Variants in KDM3A observed in about 807,000 individuals in gnomAD.
The protein encoded by KDM3A is lysine-specific demethylase 3A.
Under a neutral mutation model 158.0 loss-of-function variants are expected in KDM3A, and 60 were observed. That is an observed-to-expected ratio of 0.38 (90% confidence interval 0.31 to 0.47). KDM3A has a LOEUF of 0.47. KDM3A is among the 20% of genes least tolerant of loss of function. The probability of loss-of-function intolerance (pLI) is 0.99; values close to 1 mark genes in which losing one functional copy is unlikely to be tolerated. For synonymous variants in KDM3A, 608 were observed against 549.3 expected (o/e 1.11, Z -1.49); for missense variants, 1,319 against 1,574.3 (o/e 0.84, Z 2.74).
intron 23 of KDM3A, chr2:86,490,595 T>C (rs1470326546): frequency 8.2e-6 from 2 of 243,608 alleles, no homozygotes; most frequent in Non-Finnish European, 1.6e-5. Context: ...AGCCTACTTA[T>C]GTTTAAAAAT....
upstream of KDM3A, among the ~76,000 whole-genome samples, chr2:86,437,977 T>C (rs1307559749): frequency 1.3e-5 from 2 of 152,166 alleles, no homozygotes; most frequent in African/African-American, 4.8e-5. Context: ...ATTTTTCTTG[T>C]CTTATTACAT....
At chr2:86,490,830 A>T in intron 23 of KDM3A, 51 bp from the exon 24 acceptor site, 1 of 1,449,144 alleles carries the variant, frequency 6.9e-7, no homozygotes. Context: ...AAAATGGCTT[A>T]TTGGGCCTTA....
At position 86,455,176 on chromosome 2, in the gene KDM3A, A is replaced by G. The variant is rs1160047557; in HGVS notation, c.545A>G (p.His182Arg). ...ATTGTGAAGCATTTAGATGAAAGCC[A>G]TCTTTTAAAAGGTATATGCATTATC... ...ALIVKHLDES[H>R]LLKGDKNLVG... Residue 182 changes from histidine to arginine, a missense_variant, in exon 5 of 26, where the codon CAT (histidine) becomes CGT (arginine). His to Arg is a conservative substitution (Grantham distance 29, BLOSUM62 0). This residue lies in a region of KDM3A where 652 missense variants were observed against 627.2 expected (regional missense o/e 1.04). Coordinates refer to ENST00000312912, the MANE Select transcript of KDM3A (RefSeq NM_018433.6). 1.3e-6 allele frequency: 2 copies of G among 1,582,292 alleles called. No homozygotes were observed. Among genetic ancestry groups the G allele is most frequent in the East Asian group, 2.2e-5 (1 of 44,514 alleles).
At chr2:86,473,997 ACTAT>A (rs1673534950) in intron 11 of KDM3A, among the ~76,000 whole-genome samples, 1 of 152,182 alleles carries the variant, frequency 6.6e-6, no homozygotes, top group Non-Finnish European at 1.5e-5. Flanking sequence ...TGCTTCAGTG[ACTAT>A]CTAGGGGTTA....
At chr2:86,449,483 C>G (rs909657635) in intron 2 of KDM3A, among the ~76,000 whole-genome samples, 1 of 152,136 alleles carries the variant, frequency 6.6e-6, no homozygotes, top group African/African-American at 2.4e-5. Context: ...TCCAAAAGCT[C>G]AGATGTCTAA....
intron 10 of KDM3A, among the ~76,000 whole-genome samples, chr2:86,469,376 C>A (rs1477256633): frequency 6.6e-6 from 1 of 152,170 alleles, no homozygotes; most frequent in Non-Finnish European, 1.5e-5. Flanking sequence ...CTCTCTGGGA[C>A]CCTAAGAAAA....
intron 20 of KDM3A, among the ~76,000 whole-genome samples, chr2:86,485,421 G>A (rs1674131977): frequency 6.6e-6 from 1 of 152,122 alleles, no homozygotes; most frequent in African/African-American, 2.4e-5. Context: ...GACTGAGCTT[G>A]AAACTTTGAA....
intron 2 of KDM3A, among the ~76,000 whole-genome samples, chr2:86,443,866 C>T (rs1020861011): frequency 6.6e-6 from 1 of 152,164 alleles, no homozygotes; most frequent in African/African-American, 2.4e-5. Context: ...TTTCTGTAAG[C>T]TGGGCTTTGT....
At chr2:86,452,157 T>C (rs931012278) in intron 4 of KDM3A, among the ~76,000 whole-genome samples, 1 of 151,626 alleles carries the variant, frequency 6.6e-6, no homozygotes, top group Non-Finnish European at 1.5e-5. Context: ...TGTAAACAGG[T>C]GTGCTTTTTG....
intron 4 of KDM3A, 50 bp downstream of exon 4, chr2:86,451,263 T>G: frequency 8.3e-7 from 1 of 1,205,850 alleles, no homozygotes. Context: ...TACGAACTCC[T>G]TTAACATGAG....
intron 3 of KDM3A, among the ~76,000 whole-genome samples, 167 bp downstream of exon 3, chr2:86,450,129 T>C (rs1366040805): frequency 6.6e-6 from 1 of 152,246 alleles, no homozygotes; most frequent in Non-Finnish European, 1.5e-5. Context: ...TTGACTTTGT[T>C]GGACCTCGTG....
chr2:86,440,336 G>A (rs963135430), upstream of KDM3A, among the ~76,000 whole-genome samples: 1 of 152,176 alleles, frequency 6.6e-6, no homozygotes, highest in Non-Finnish European at 1.5e-5. Context: ...GGAGGCATGA[G>A]TTCTTCTTAA....
chr2:86,484,717 G>T, intron 19 of KDM3A: 1 of 466,956 alleles, frequency 2.1e-6, no homozygotes, highest in Non-Finnish European at 3.8e-6. Flanking sequence ...GCTGCCTCCT[G>T]GGTACAAATG....
At chr2:86,459,473 G>A (rs1672838291) in intron 8 of KDM3A, among the ~76,000 whole-genome samples, 1 of 152,106 alleles carries the variant, frequency 6.6e-6, no homozygotes, top group Non-Finnish European at 1.5e-5. Flanking sequence ...TTGGGAGTAT[G>A]ATGAAGAGGA....
intron 10 of KDM3A, among the ~76,000 whole-genome samples, chr2:86,468,662 C>T (rs1463695025): frequency 6.6e-6 from 1 of 152,058 alleles, no homozygotes; most frequent in African/African-American, 2.4e-5. Context: ...GCTGTGTCCA[C>T]TAGTACTGCA....
intron 11 of KDM3A, among the ~76,000 whole-genome samples, chr2:86,474,352 T>C (rs116612194): frequency 1.3e-5 from 2 of 152,180 alleles, no homozygotes; most frequent in Non-Finnish European, 2.9e-5. Flanking sequence ...GGAAGGACTT[T>C]GTTGATTTAA....
rs767113988 is a variant in KDM3A, at chr2:86,466,467, T to G, written c.1103T>G (p.Leu368Trp). Residue 368 changes from leucine to tryptophan, a missense_variant, in exon 10 of 26, where the codon TTG becomes TGG. By Grantham distance (61) the Leu-to-Trp change is moderately conservative. Transcript: ENST00000312912. ...RTKPDVCKAG[L>W]LSKSSQIGTG... ...AAACCAGATGTCTGCAAAGCAGGGT[T>G]GCTCTCAAAGTCCTCTCAGATTGGA... 1.2e-6 allele frequency: 2 copies of G among 1,613,922 alleles called. No homozygotes were observed. The highest frequency in any genetic ancestry group is 1.7e-6 in the Non-Finnish European group (2 of 1,179,828).
chr2:86,449,780 C>T (rs759017342), intron 2 of KDM3A, 27 bp from the exon 3 acceptor site: 1 of 1,571,184 alleles, frequency 6.4e-7, no homozygotes, highest in Non-Finnish European at 8.6e-7. Context: ...AATCTGCTTC[C>T]CCCACCCCCC....
intron 11 of KDM3A, among the ~76,000 whole-genome samples, chr2:86,473,750 A>G (rs1673521532): frequency 1.3e-5 from 2 of 152,198 alleles, no homozygotes; most frequent in East Asian, 1.9e-4. Context: ...GCCTGTCTCA[A>G]AAAGAAAAAG....
Sources: gnomAD v4.1 joint callset for allele counts (sites outside exome capture counted in the v4.1 genomes callset) on GRCh38, gnomAD v4.1.1 for gene constraint, gnomAD v4.1.1 regional missense constraint, MANE v1.5 for transcripts, NCBI Gene and HGNC (gene_info 2026-07-23, HGNC 2026-07-21) for gene names.